MAP4: variants seen among roughly 807,000 people sequenced by gnomAD.
MAP4 encodes microtubule associated protein 4, also known as microtubule-associated protein 4.
A neutral mutation model predicts 170.2 loss-of-function variants in MAP4; 76 were observed. The observed-to-expected ratio is 0.45, with a 90% CI of 0.37 to 0.54. The LOEUF is 0.54. MAP4 is among the 20% of genes least tolerant of loss of function. The pLI is 0.00. For missense variants in MAP4, 2,506 were observed against 2,748.0 expected, an observed-to-expected ratio of 0.91 and a Z score of 1.97; for synonymous variants, 909 against 994.5, an observed-to-expected ratio of 0.91 and a Z score of 1.62.
intron 2 of MAP4, among the ~76,000 whole-genome samples, chr3:47,997,086 G>C (rs1428786329): frequency 2.6e-5 from 4 of 151,450 alleles, no homozygotes; most frequent in Non-Finnish European, 2.9e-5. Context: ...CAGAAATAAA[G>C]AGAGAAAAAA....
At chr3:48,081,123 C>T (rs902415159) in intron 1 of MAP4, among the ~76,000 whole-genome samples, 2 of 151,146 alleles carry the variant, frequency 1.3e-5, no homozygotes, top group African/African-American at 4.9e-5. Context: ...GACTCCATCT[C>T]AAAAAACAGA....
intron 17 of MAP4, among the ~76,000 whole-genome samples, chr3:47,859,783 T>C (rs2062694159): frequency 6.6e-6 from 1 of 152,198 alleles, no homozygotes. Context: ...TAGATAGAAA[T>C]TTTTTTCTTT....
At chr3:48,078,626 A>G (rs2100145066) in intron 1 of MAP4, among the ~76,000 whole-genome samples, 1 of 152,166 alleles carries the variant, frequency 6.6e-6, no homozygotes, top group Middle Eastern at 3.2e-3. Flanking sequence ...GCTGATATGT[A>G]GAGAACTAAG....
chr3:48,055,745 A>T (rs2100130801), intron 1 of MAP4, among the ~76,000 whole-genome samples: 3 of 104,576 alleles, frequency 2.9e-5, no homozygotes, highest in South Asian at 8.2e-4. Context: ...CCGCCATCCC[A>T]TCTAGGAAGT....
At chr3:47,956,567 T>C (rs2100067953) in intron 3 of MAP4, among the ~76,000 whole-genome samples, 2 of 152,204 alleles carry the variant, frequency 1.3e-5, no homozygotes, top group South Asian at 2.1e-4. Context: ...ATTAAGGATT[T>C]TGTTGGCTAG....
chr3:47,952,879 G>A (rs973427653), intron 3 of MAP4, among the ~76,000 whole-genome samples: 39 of 151,520 alleles, frequency 2.6e-4, no homozygotes, highest in African/African-American at 9.2e-4. Flanking sequence ...AGCCGAGATC[G>A]CACCATTACA....
At chr3:47,874,643 C>T (rs907189650) in intron 12 of MAP4, among the ~76,000 whole-genome samples, 1 of 152,174 alleles carries the variant, frequency 6.6e-6, no homozygotes, top group African/African-American at 2.4e-5. Context: ...GCTGCCAGGG[C>T]TCCAGGCACC....
intron 17 of MAP4, among the ~76,000 whole-genome samples, chr3:47,860,633 T>C (rs2064012870): frequency 6.6e-6 from 1 of 152,184 alleles, no homozygotes; most frequent in Admixed American, 6.5e-5. Flanking sequence ...GAAGAAGTAA[T>C]GCTAGAATTA....
intron 3 of MAP4, among the ~76,000 whole-genome samples, chr3:47,941,220 CAAAAAAA>C (rs745693695): frequency 8.1e-4 from 37 of 45,850 alleles, no homozygotes; most frequent in African/African-American, 1.0e-3. Flanking sequence ...CTATCTCTAC[CAAAAAAA>C]AAAAAAAAAA....
chr3:48,087,745 G>GCGCGCA (rs1491486983), intron 1 of MAP4, among the ~76,000 whole-genome samples: 10 of 105,678 alleles, frequency 9.5e-5, no homozygotes, highest in East Asian at 8.7e-4. Flanking sequence ...ACACGCACGC[G>GCGCGCA]CACACACACA....
intron 3 of MAP4, among the ~76,000 whole-genome samples, chr3:47,935,237 T>C (rs2100052050): frequency 6.6e-6 from 1 of 152,140 alleles, no homozygotes; most frequent in South Asian, 2.1e-4. Context: ...TGTAGGAGAC[T>C]AGAACTTAAT....
At chr3:48,070,036 C>T (rs563256167) in intron 1 of MAP4, among the ~76,000 whole-genome samples, 100 of 152,158 alleles carry the variant, frequency 6.6e-4, no homozygotes, top group African/African-American at 2.3e-3. Context: ...TGTAGTGGCA[C>T]GATCATAGCT....
At chr3:48,002,143 C>G (rs183229395) in intron 1 of MAP4, among the ~76,000 whole-genome samples, 1 of 150,128 alleles carries the variant, frequency 6.7e-6, no homozygotes, top group Non-Finnish European at 1.5e-5. Context: ...CTATAGTGTG[C>G]AATGATCACG....
chr3:47,933,139 G>T (rs2100050835), intron 3 of MAP4, among the ~76,000 whole-genome samples: 2 of 152,076 alleles, frequency 1.3e-5, no homozygotes, highest in Admixed American at 6.6e-5. Flanking sequence ...AGATACCAAA[G>T]AATATATATT....
chr3:48,054,450 G>A (rs1296376482), intron 1 of MAP4, among the ~76,000 whole-genome samples: 3 of 151,476 alleles, frequency 2.0e-5, no homozygotes, highest in South Asian at 2.1e-4. Context: ...GTGAAACCCC[G>A]TCTCTACCAA....
At chr3:48,050,212 A>T (rs1386207894) in intron 1 of MAP4, among the ~76,000 whole-genome samples, 2 of 151,234 alleles carry the variant, frequency 1.3e-5, no homozygotes, top group African/African-American at 4.9e-5. Flanking sequence ...GTGAGCCGAG[A>T]TGACACTACT....
At chr3:47,943,589 C>T (rs1412446227) in intron 3 of MAP4, among the ~76,000 whole-genome samples, 1 of 149,402 alleles carries the variant, frequency 6.7e-6, no homozygotes, top group Non-Finnish European at 1.5e-5. Flanking sequence ...GCCTAGGTGA[C>T]AAAACAGGAC....
intron 1 of MAP4, among the ~76,000 whole-genome samples, chr3:48,050,092 T>C (rs2100126829): frequency 6.7e-6 from 1 of 149,996 alleles, no homozygotes; most frequent in Non-Finnish European, 1.5e-5. Flanking sequence ...AAACCCCGTC[T>C]CTACTAAAAA....
At chr3:47,966,227 CCT>C (rs1559629547) in intron 3 of MAP4, among the ~76,000 whole-genome samples, 3 of 83,160 alleles carry the variant, frequency 3.6e-5, no homozygotes, top group African/African-American at 1.2e-4. Flanking sequence ...GCCCACACTA[CCT>C]TTTTTTTTTT....
Sources: allele counts gnomAD v4.1 joint callset (sites outside exome capture counted in the v4.1 genomes callset), GRCh38; gene constraint gnomAD v4.1.1; transcripts MANE v1.5; gene names NCBI Gene and HGNC (gene_info 2026-07-23, HGNC 2026-07-21).